Variants in SRRD observed in about 807,000 individuals in gnomAD.
The protein encoded by SRRD is SRR1 domain containing, also known as SRR1-like protein.
In SRRD, 28 loss-of-function variants were observed where a neutral mutation model predicts 30.7. The observed-to-expected ratio is 0.91, with a 90% CI of 0.68 to 1.25. The LOEUF is 1.25. SRRD is among the 50% of genes most tolerant of loss of function. The probability of loss-of-function intolerance (pLI) is 0.00; values close to 1 mark genes in which losing one functional copy is unlikely to be tolerated. For synonymous variants in SRRD, 161 were observed against 159.6 expected (o/e 1.01, Z -0.07); for missense variants, 415 against 417.3 (o/e 0.99, Z 0.05).
intron 2 of SRRD, 134 bp from the exon 3 acceptor site, chr22:26,487,895 C>A: frequency 1.0e-6 from 1 of 960,482 alleles, no homozygotes; most frequent in Non-Finnish European, 1.5e-6. Context: ...CAGCTTCTCT[C>A]TCTCTCTGAA....
At chr22:26,488,812 C>T (rs968709671) in intron 4 of SRRD, among the ~76,000 whole-genome samples, 6 of 152,210 alleles carry the variant, frequency 3.9e-5, no homozygotes, top group African/African-American at 1.4e-4. Flanking sequence ...CTAGGTGCCT[C>T]AAGTGAGGTC....
rs145696489 is a variant in SRRD at position 26,494,263 on chromosome 22, C to A, written c.*2591C>A. The A allele has an allele frequency of 1.2e-6, 2 of 1,614,032 alleles. No individual in the cohort carries two copies. Among genetic ancestry groups the A allele is most frequent in the African/African-American group, 2.7e-5 (2 of 74,910 alleles). ...TCCAACCCAGGTACCACTTGGTGAT[C>A]TCCTCATAATTTGGGCTGTTACTGA... On this transcript the variant is annotated 3_prime_UTR_variant, in exon 7 of 7. Transcript: ENST00000215917.
In SRRD at chr22:26,491,695, T is replaced by C; in HGVS notation, c.*23T>C. ...TGAACTCGTTGTGAGGTACTCAGTG[T>C]TGGCTGAGGTAGAAGCTGCCACCAG... is the stretch of plus-strand genomic sequence containing the variant. On this transcript the variant is annotated 3_prime_UTR_variant, in exon 7 of 7. Transcript: ENST00000215917. 2 of 1,595,968 alleles carry C rather than the reference T, an allele frequency of 1.3e-6. No individual in the cohort carries two copies. The highest frequency in any genetic ancestry group is 1.7e-6 in the Non-Finnish European group (2 of 1,172,518).
intron 5 of SRRD, among the ~76,000 whole-genome samples, chr22:26,490,555 T>C (rs1921020508): frequency 7.7e-6 from 1 of 129,264 alleles, no homozygotes; most frequent in Admixed American, 8.8e-5. Context: ...TACTGGAATA[T>C]TTGCTTTTTT....
rs1404077921 is a variant in SRRD at position 26,491,949 on chromosome 22, CTGTT to C, written c.*279_*282del. The C allele has an allele frequency of 3.5e-6, 5 of 1,437,280 alleles. No homozygotes were observed. The Admixed American group carries it at 6.4e-5, about 18-fold the overall frequency. 89.0% of individuals were successfully genotyped at this position (1,437,280 alleles called of 1,614,324 possible). On this transcript the variant is annotated 3_prime_UTR_variant, in exon 7 of 7. Coordinates refer to ENST00000215917, the MANE Select transcript of SRRD (RefSeq NM_001013694.3). ...CCCTTTTGAAGGTGATCTAAAAATA[CTGTT>C]TATTTACAGTACATCCCTCTTAGGG...
intron 1 of SRRD, among the ~76,000 whole-genome samples, chr22:26,485,537 C>A (rs1010867279): frequency 6.6e-5 from 10 of 152,162 alleles, no homozygotes; most frequent in Non-Finnish European, 1.2e-4. Flanking sequence ...TCTTTACTTT[C>A]CCCTTAAAAC....
In SRRD at chr22:26,494,579, G is replaced by C; in HGVS notation, c.*2907G>C. On this transcript the variant is annotated 3_prime_UTR_variant, in exon 7 of 7. Transcript: ENST00000215917. ...CCCTACCCCATAGGGTTGCTGAGAG[G>C]AGCTGAGATAAAGCAAATAAAGTGC... The C allele has an allele frequency of 1.4e-6, 1 of 733,962 alleles. No individual in the cohort carries two copies. Among genetic ancestry groups the C allele is most frequent in the Non-Finnish European group, 2.2e-6 (1 of 458,048 alleles). The allele number at this position is 733,962 out of a possible 1,614,324, so 45.5% of individuals were successfully genotyped here.
rs898650749 is a variant in SRRD, at chr22:26,493,000, ATC to A, written c.*1332_*1333del. 2.6e-5 allele frequency: 4 copies of A among 152,346 alleles called. No homozygotes were observed. Among genetic ancestry groups the A allele is most frequent in the Admixed American group, 6.5e-5 (1 of 15,292 alleles). 9.4% of individuals were successfully genotyped at this position (152,346 alleles called of 1,614,324 possible). A position where few individuals can be genotyped will look rare whatever the true frequency, so the allele number is the denominator to read the frequency against. ...AGAAGTATATTTGCCTTATTACTTA[ATC>A]TCTGTTTTCACAGAATAGGCTATTT... On this transcript the variant is annotated 3_prime_UTR_variant, in exon 7 of 7. Transcript: ENST00000215917.
At chr22:26,484,824 A>T (rs138938072) in intron 1 of SRRD, among the ~76,000 whole-genome samples, 1 of 152,204 alleles carries the variant, frequency 6.6e-6, no homozygotes, top group Non-Finnish European at 1.5e-5. Context: ...AATGTTACTT[A>T]TTATTGTTAT....
In SRRD at chr22:26,492,713, C is replaced by T. The variant is rs1921365495; in HGVS notation, c.*1041C>T. 2 of 243,664 alleles carry T rather than the reference C, an allele frequency of 8.2e-6. No individual in the cohort carries two copies. The highest frequency in any genetic ancestry group is 1.3e-4 in the South Asian group (2 of 15,708). 15.1% of individuals were successfully genotyped at this position (243,664 alleles called of 1,614,324 possible). A position where few individuals can be genotyped will look rare whatever the true frequency, so the allele number is the denominator to read the frequency against. Reference sequence around the variant, plus strand: ...CTTGCTCTGTAGAGTTTCCATTTCCCACCACCAAAGAGGCAGCTTTTAGTA... The same window carrying T: ...CTTGCTCTGTAGAGTTTCCATTTCCTACCACCAAAGAGGCAGCTTTTAGTA... On this transcript the variant is annotated 3_prime_UTR_variant, in exon 7 of 7. Transcript: ENST00000215917.
chr22:26,491,411 T>G, intron 6 of SRRD, 52 bp from the exon 7 acceptor site: 1 of 1,350,678 alleles, frequency 7.4e-7, no homozygotes, highest in Non-Finnish European at 1.0e-6. Context: ...CCCAGAAGAG[T>G]GGGGATTACT....
Position 26,492,352 on chromosome 22 carries a change from T to C in SRRD, c.*680T>C. The C allele has an allele frequency of 6.2e-7, 1 of 1,614,138 alleles. No homozygotes were observed. Among genetic ancestry groups the C allele is most frequent in the Non-Finnish European group, 8.5e-7 (1 of 1,179,982 alleles). ...GATAGGCAATGTTCTCCCGTGCTCC[T>C]GGCTGCATGTAGGCACCTAAGATAC... On this transcript the variant is annotated 3_prime_UTR_variant, in exon 7 of 7. Coordinates refer to ENST00000215917, the MANE Select transcript of SRRD (RefSeq NM_001013694.3).
chr22:26,492,477 T>A lies in SRRD; in HGVS notation c.*805T>A. 1.0e-6 allele frequency: 1 copy of A among 957,048 alleles called. No homozygotes were observed. The highest frequency in any genetic ancestry group is 1.6e-6 in the Non-Finnish European group (1 of 624,770). The allele number at this position is 957,048 out of a possible 1,614,324, so 59.3% of individuals were successfully genotyped here. A position where few individuals can be genotyped will look rare whatever the true frequency, so the allele number is the denominator to read the frequency against. On this transcript the variant is annotated 3_prime_UTR_variant, in exon 7 of 7. Coordinates refer to ENST00000215917, the MANE Select transcript of SRRD (RefSeq NM_001013694.3). ...GTGTGCCAGAGTGCTTGTGACTCAC[T>A]GAAGGGCAGCTCTGCCTCAAAGATA...
chr22:26,489,234 C>G (rs2091730051), intron 4 of SRRD, among the ~76,000 whole-genome samples: 1 of 152,158 alleles, frequency 6.6e-6, no homozygotes, highest in Non-Finnish European at 1.5e-5. Flanking sequence ...TTCTGGGTGC[C>G]TGTTCTGTGC....
Position 26,490,183 on chromosome 22 carries a change from A to G in SRRD, c.749A>G (p.Lys250Arg), listed in dbSNP as rs969646728. ...SKMVIIGNSF[K>R]GLEERLLARI... ...ATGGTCATCATTGGGAACAGTTTCAAAGGACTTGAGGAGAGGTAAGTCTGA... is the reference window on the plus strand; with the variant it reads ...ATGGTCATCATTGGGAACAGTTTCAGAGGACTTGAGGAGAGGTAAGTCTGA... The change falls in exon 5 of 7, where the codon AAA (lysine) becomes AGA (arginine). Residue 250 changes from lysine (K) to arginine (R), a missense_variant. Transcript: ENST00000215917. 6.2e-7 allele frequency: 1 copy of G among 1,614,182 alleles called. No homozygotes were observed. The highest frequency in any genetic ancestry group is 1.7e-5 in the Admixed American group (1 of 60,020).
At chr22:26,491,117 G>C (rs1921116699) in intron 6 of SRRD, 47 bp downstream of exon 6, 4 of 1,576,446 alleles carry the variant, frequency 2.5e-6, no homozygotes, top group Non-Finnish European at 2.6e-6. Context: ...GTGTGAAACT[G>C]TGAAGAATTC....
intron 2 of SRRD, among the ~76,000 whole-genome samples, chr22:26,487,235 T>C (rs2091715415): frequency 1.3e-5 from 2 of 152,310 alleles, no homozygotes; most frequent in African/African-American, 4.8e-5. Flanking sequence ...GCTGGTATCT[T>C]AAGTGAAAAG....
Position 26,492,230 on chromosome 22 carries a change from G to A in SRRD, c.*558G>A, listed in dbSNP as rs1472174887. ...CTTAAAGTTCATGGGCACAGAGCTA[G>A]CGGCCACGCCAATGCCCCTCTGAGC... On this transcript the variant is annotated 3_prime_UTR_variant, in exon 7 of 7. Coordinates refer to ENST00000215917, the MANE Select transcript of SRRD (RefSeq NM_001013694.3). 1.2e-6 allele frequency: 2 copies of A among 1,614,212 alleles called. No individual in the cohort carries two copies. The highest frequency in any genetic ancestry group is 1.7e-5 in the Admixed American group (1 of 60,028).
chr22:26,489,718 T>C (rs912437939), intron 4 of SRRD, among the ~76,000 whole-genome samples: 1 of 151,996 alleles, frequency 6.6e-6, no homozygotes, highest in Admixed American at 6.6e-5. Flanking sequence ...GGGAAATACA[T>C]GGGGTAAGTA....
Sources: allele counts gnomAD v4.1 joint callset (sites outside exome capture counted in the v4.1 genomes callset), GRCh38; gene constraint gnomAD v4.1.1; transcripts MANE v1.5; gene names NCBI Gene and HGNC (gene_info 2026-07-23, HGNC 2026-07-21).